MGAM: variants seen among roughly 807,000 people sequenced by gnomAD.
The protein encoded by MGAM is alpha-1,4-glucosidase.
A neutral mutation model predicts 358.8 loss-of-function variants in MGAM; 253 were observed. The observed-to-expected ratio is 0.71, with a 90% confidence interval of 0.64 to 0.78. The LOEUF is 0.78. MGAM is among the 30% of genes least tolerant of loss of function. The pLI, the probability that MGAM is intolerant of heterozygous loss-of-function variation, is 0.00. For synonymous variants in MGAM, 1,105 were observed against 1,227.1 expected, an observed-to-expected ratio of 0.90 and a Z score of 2.08; for missense variants, 3,080 against 3,432.6, an observed-to-expected ratio of 0.90 and a Z score of 2.57.
chr7:142,065,406 GGGCAGGACATT>G lies in MGAM; in HGVS notation c.4560_4570del (p.His1522ArgfsTer39). Reference sequence around the variant, plus strand: ...TCCACATTTCCCTCTTCTGGCCGCTGGGCAGGACATTGGCTGGGAGACAACACGGCCGCATG... The same window carrying G: ...TCCACATTTCCCTCTTCTGGCCGCTGGGCTGGGAGACAACACGGCCGCATG... On this transcript the variant is annotated frameshift_variant, in exon 38 of 71. Coordinates refer to ENST00000475668, the MANE Select transcript of MGAM (RefSeq NM_001365693.1). LOFTEE classifies it high-confidence loss of function. 1.9e-6 allele frequency: 3 copies of G among 1,610,734 alleles called. No homozygotes were observed. In the Admixed American group the frequency reaches 5.0e-5, roughly 27 times the overall value.
chr7:141,989,084 G>A (rs1803825668), intron 2 of MGAM, among the ~76,000 whole-genome samples: 1 of 150,558 alleles, frequency 6.6e-6, no homozygotes, highest in Admixed American at 6.6e-5. Flanking sequence ...ATGTGCTTGT[G>A]AGTGTGTGTG....
In MGAM at chr7:142,034,466, G is replaced by A. The variant is rs1554465047; in HGVS notation, c.1787+87G>A. The A allele has an allele frequency of 3.7e-6, 4 of 1,087,668 alleles. 1 individual carries two copies. The African/African-American group carries it at 6.4e-5, about 17-fold the overall frequency. 67.4% of individuals were successfully genotyped at this position (1,087,668 alleles called of 1,614,324 possible). On this transcript the variant is annotated intron_variant, in intron 15 of 70. Transcript: ENST00000475668. ...AATTCTTGGAGATTATGGGGCTAAT[G>A]CATAAAATTTCTTAAGACAAAACAA...
At chr7:142,004,033 A>T (rs1299837389) in intron 1 of MGAM, among the ~76,000 whole-genome samples, 1 of 152,082 alleles carries the variant, frequency 6.6e-6, no homozygotes, top group Admixed American at 6.6e-5. Flanking sequence ...TTGAAAAGTC[A>T]AAAAACAACA....
chr7:142,056,777 G>A, intron 29 of MGAM, 53 bp from the exon 30 acceptor site: 3 of 1,568,280 alleles, frequency 1.9e-6, no homozygotes, highest in East Asian at 4.5e-5. Context: ...TTTCAGGGGT[G>A]ATTCGTGACA....
chr7:142,067,376 G>A lies in MGAM; in HGVS notation c.4955G>A (p.Ser1652Asn), dbSNP rs1334410613. Residue 1652 changes from serine to asparagine, a missense_variant, in exon 42 of 71, where the codon AGT becomes AAT. Ser to Asn is a conservative substitution (Grantham distance 46). Transcript: ENST00000475668. ...VSDQVTWDID[S>N]QFLLGPAFLV... ...GACCAGGTGACATGGGACATAGACA[G>A]TCAGTTCCTGCTGGGCCCAGCCTTC... The A allele has an allele frequency of 6.4e-6, 10 of 1,551,526 alleles. No individual in the cohort carries two copies. In the East Asian group the frequency reaches 1.6e-4, roughly 25 times the overall value.
rs1413787657 is a variant in MGAM, at chr7:142,042,627, ATAT to A, written c.2498+1785_2498+1787del. Among the ~76,000 whole-genome samples, 10 of 1,348 alleles carry A rather than the reference ATAT, an allele frequency of 7.4e-3. 4 individuals carry two copies. Among genetic ancestry groups the A allele is most frequent in the African/African-American group, 0.03 (6 of 202 alleles). The allele number at this position is 1,348 out of a possible 152,430, so 0.9% of individuals were successfully genotyped here. A position where few individuals can be genotyped will look rare whatever the true frequency, so the allele number is the denominator to read the frequency against. On this transcript the variant is annotated intron_variant, in intron 21 of 70. Coordinates refer to ENST00000475668, the MANE Select transcript of MGAM (RefSeq NM_001365693.1). ...AATATATAATATATATTATATATACATATTATATATAATATATAATATATATTA... is the reference window on the plus strand; with the variant it reads ...AATATATAATATATATTATATATACATATATATAATATATAATATATATTA...
intron 23 of MGAM, 80 bp from the exon 24 acceptor site, chr7:142,050,617 G>A (rs1156880984): frequency 2.1e-6 from 3 of 1,420,834 alleles, no homozygotes; most frequent in Non-Finnish European, 2.9e-6. Context: ...TATCCGGTCT[G>A]GAATGGAATA....
chr7:142,105,158 G>T (rs1377914610), intron 70 of MGAM, among the ~76,000 whole-genome samples: 1 of 152,186 alleles, frequency 6.6e-6, no homozygotes, highest in Non-Finnish European at 1.5e-5. Context: ...GCAAACACTG[G>T]GGTGCTATAG....
rs763013854 is a variant in MGAM at position 142,062,662 on chromosome 7, A to C, written c.4217A>C (p.Gln1406Pro). 1.2e-6 allele frequency: 2 copies of C among 1,610,406 alleles called. No individual in the cohort carries two copies. The highest frequency in any genetic ancestry group is 2.2e-5 in the South Asian group (2 of 90,294). The change falls in exon 35 of 71, where the codon CAG becomes CCG. Residue 1406 changes from glutamine to proline, a missense_variant. Physicochemically the swap from Gln to Pro is moderately conservative, Grantham distance 76. Around this residue, in one of 5 missense-constraint regions of MGAM, gnomAD observed 1,816 missense variants for 1,840.5 expected, o/e 0.99. Transcript: ENST00000475668. ...ATAGAAGAACTATACAACAATCCAC[A>C]GAATCCAGAGAGGAGCTTGAAGTTT... ...REIEELYNNP[Q>P]NPERSLKFDG... is the part of the protein sequence containing the mutation.
In MGAM at chr7:142,078,661, C is replaced by T. The variant is rs73524516; in HGVS notation, c.5647-147C>T. 1.1e-3 allele frequency: 1,180 copies of T among 1,074,420 alleles called. 47 individuals are homozygous for T. In the African/African-American group the frequency reaches 0.016, roughly 14 times the overall value. 66.6% of individuals were successfully genotyped at this position (1,074,420 alleles called of 1,614,324 possible). A position where few individuals can be genotyped will look rare whatever the true frequency, so the allele number is the denominator to read the frequency against. ...TTAAAATAAATATTTTGCTTGGAGA[C>T]CAGGAAATTAAATTTATGTTATTGC... On this transcript the variant is annotated intron_variant, in intron 48 of 70. Coordinates refer to ENST00000475668, the MANE Select transcript of MGAM (RefSeq NM_001365693.1).
chr7:142,102,251 G>C (rs769613477), intron 68 of MGAM, among the ~76,000 whole-genome samples: 7 of 152,174 alleles, frequency 4.6e-5, no homozygotes, highest in Non-Finnish European at 1.0e-4. Context: ...GTGGAGATGT[G>C]TACATACAGC....
chr7:142,034,688 C>T lies in MGAM; in HGVS notation c.1806C>T (p.Phe602=). The T allele has an allele frequency of 6.2e-7, 1 of 1,613,292 alleles. No individual in the cohort carries two copies. The highest frequency in any genetic ancestry group is 8.5e-7 in the Non-Finnish European group (1 of 1,179,504). ...VATAEAAKTV[F]PNKRSFILTR... is the part of the protein sequence containing the mutation. The stretch of plus-strand genomic sequence containing the variant: ...CTTGCAGAGCTGCCAAGACTGTGTT[C>T]CCTAATAAGAGAAGCTTCATTCTGA... Residue 602 remains phenylalanine, a synonymous_variant, in exon 16 of 71, where the codon TTC becomes TTT. Coordinates refer to ENST00000475668, the MANE Select transcript of MGAM (RefSeq NM_001365693.1).
chr7:142,043,987 C>T (rs1809521090), intron 21 of MGAM, among the ~76,000 whole-genome samples: 1 of 122,308 alleles, frequency 8.2e-6, no homozygotes, highest in South Asian at 2.4e-4. Context: ...ATAATATATA[C>T]ATTATATACA....
chr7:142,044,323 T>C (rs1415698855), intron 21 of MGAM, among the ~76,000 whole-genome samples: 7 of 139,900 alleles, frequency 5.0e-5, no homozygotes, highest in South Asian at 4.3e-4. Context: ...ACACATACGA[T>C]ATATAATATA....
intron 64 of MGAM, chr7:142,096,129 C>G (rs1196173914): frequency 3.2e-6 from 2 of 628,132 alleles, no homozygotes; most frequent in African/African-American, 1.8e-5. Flanking sequence ...ACATCTACAT[C>G]CCAGCATTTC....
At chr7:142,036,071 A>T (rs1554465674) in intron 16 of MGAM, 98 bp from the exon 17 acceptor site, 2 of 845,374 alleles carry the variant, frequency 2.4e-6, no homozygotes, top group African/African-American at 3.5e-5. Flanking sequence ...TCTCGGTAGG[A>T]GGTTTAAGCA....
chr7:142,064,407 C>T lies in MGAM; in HGVS notation c.4369C>T (p.Leu1457=), dbSNP rs1230394650. ...MPHLESRDRG[L]SSKTLCMESQ... is the part of the protein sequence containing the mutation. ...AGATTTGGAGTCCAGGGACAGGGGC[C>T]TGAGCAGCAAGACCCTTTGTATGGA... The change falls in exon 37 of 71, where the codon CTG becomes TTG. Residue 1457 remains leucine (L), a synonymous_variant. Transcript: ENST00000475668. The T allele has an allele frequency of 1.2e-6, 2 of 1,608,700 alleles. No individual in the cohort carries two copies. Among genetic ancestry groups the T allele is most frequent in the South Asian group, 2.2e-5 (2 of 89,492 alleles).
In MGAM at chr7:142,030,298, A is replaced by G. The variant is rs548922229; in HGVS notation, c.1222-64A>G. 3.9e-6 allele frequency: 6 copies of G among 1,543,678 alleles called. No individual in the cohort carries two copies. The African/African-American group carries it at 8.2e-5, about 21-fold the overall frequency. The stretch of plus-strand genomic sequence containing the variant: ...TTTATCCTGAATAATAACAGTGAAA[A>G]TTTGATTTCATTTTACTATGGAAAT... On this transcript the variant is annotated intron_variant, in intron 10 of 70. Transcript: ENST00000475668.
chr7:142,083,946 A>G (rs112295489), intron 53 of MGAM, among the ~76,000 whole-genome samples: 2 of 144,026 alleles, frequency 1.4e-5, no homozygotes, highest in Non-Finnish European at 3.1e-5. Context: ...TGTGAAGAAT[A>G]TGGTGGTGGT....
Sources: gnomAD v4.1 joint callset for allele counts (sites outside exome capture counted in the v4.1 genomes callset) on GRCh38, gnomAD v4.1.1 for gene constraint, gnomAD v4.1.1 regional missense constraint, MANE v1.5 for transcripts, NCBI Gene and HGNC (gene_info 2026-07-23, HGNC 2026-07-21) for gene names.